The following FBXW4 variants were observed in gnomAD, a reference collection of about 807,000 sequenced individuals.
FBXW4 encodes the protein F-box/WD repeat-containing protein 4.
A neutral mutation model predicts 61.8 loss-of-function variants in FBXW4; 40 were observed. That is an observed-to-expected ratio of 0.65 (90% CI 0.50 to 0.84). The LOEUF (loss-of-function observed/expected upper bound fraction) is 0.84, where lower values mean the gene tolerates loss of function less well. Ranked by LOEUF, FBXW4 falls within the 40% of genes least tolerant of loss-of-function variation. The probability of loss-of-function intolerance (pLI) is 0.00; values close to 1 mark genes in which losing one functional copy is unlikely to be tolerated. For missense variants in FBXW4, 672 were observed against 753.8 expected (o/e 0.89, Z 1.27); for synonymous variants, 311 against 313.8 (o/e 0.99, Z 0.10).
chr10:101,688,475 A>C (rs6584442), intron 1 of FBXW4, among the ~76,000 whole-genome samples: 151,844 of 152,340 alleles, frequency 1, 75,676 homozygotes, highest in East Asian at 1. Context: ...AAATGAAGAA[A>C]TGACTCAAAA....
intron 5 of FBXW4, among the ~76,000 whole-genome samples, chr10:101,666,372 G>A (rs572784443): frequency 8.2e-4 from 125 of 152,242 alleles, no homozygotes; most frequent in African/African-American, 3.0e-3. Flanking sequence ...TATATCAGCC[G>A]TCAAATTGAA....
intron 1 of FBXW4, among the ~76,000 whole-genome samples, chr10:101,679,558 T>C (rs1344634982): frequency 2.0e-5 from 3 of 152,196 alleles, no homozygotes; most frequent in South Asian, 2.1e-4. Context: ...TGGGTTTGTA[T>C]AGCAAGTTGA....
At chr10:101,678,059 A>G (rs2064433933) in intron 1 of FBXW4, among the ~76,000 whole-genome samples, 1 of 152,200 alleles carries the variant, frequency 6.6e-6, no homozygotes, top group African/African-American at 2.4e-5. Flanking sequence ...GGTACAATTC[A>G]TTCAACTTTT....
intron 5 of FBXW4, among the ~76,000 whole-genome samples, chr10:101,637,699 CAAAAAAA>C (rs34463792): frequency 7.3e-5 from 6 of 82,052 alleles, no homozygotes; most frequent in Non-Finnish European, 8.8e-5. Flanking sequence ...GATCCTGTCT[CAAAAAAA>C]AAAAAAAAAA....
Position 101,694,458 on chromosome 10 carries a change from G to A in FBXW4, c.648C>T (p.Phe216=). 1 of 1,534,842 alleles carries A rather than the reference G, an allele frequency of 6.5e-7. No homozygotes were observed. The highest frequency in any genetic ancestry group is 8.7e-7 in the Non-Finnish European group (1 of 1,152,556). The change falls in exon 1 of 9, where the codon TTC becomes TTT. Residue 216 remains phenylalanine (F), a synonymous_variant. Coordinates refer to ENST00000331272, the MANE Select transcript of FBXW4 (RefSeq NM_022039.4). This position sits in a 1 kb window ranked among gnomAD's most constrained non-coding sequence, Gnocchi z 6.0. ...GGCGCCAGAGCAGATCGCAGCTGGT[G>A]AAGCGCCGCAGCCAGCGGCACACCT... ...LAQVCRWLRR[F]TSCDLLWRRI... is the part of the protein sequence containing the mutation.
At chr10:101,664,530 G>A (rs2064279005) in intron 5 of FBXW4, among the ~76,000 whole-genome samples, 1 of 152,306 alleles carries the variant, frequency 6.6e-6, no homozygotes, top group South Asian at 2.1e-4. Context: ...CAACAGGAAT[G>A]GTGGCAGGGA....
At chr10:101,641,891 G>C (rs1006680595) in intron 5 of FBXW4, among the ~76,000 whole-genome samples, 2 of 151,528 alleles carry the variant, frequency 1.3e-5, no homozygotes, top group Admixed American at 1.3e-4. Context: ...CCAGGCACAG[G>C]CACAGTGGTT....
At chr10:101,684,331 T>A (rs916776568) in intron 1 of FBXW4, among the ~76,000 whole-genome samples, 20 of 152,248 alleles carry the variant, frequency 1.3e-4, no homozygotes, top group Non-Finnish European at 2.6e-4. Flanking sequence ...TTTCACCATG[T>A]TAGCCAGGAT....
At chr10:101,655,746 G>A (rs1489817640) in intron 5 of FBXW4, among the ~76,000 whole-genome samples, 2 of 152,194 alleles carry the variant, frequency 1.3e-5, no homozygotes, top group Non-Finnish European at 2.9e-5. Flanking sequence ...AGTGAGTCTC[G>A]TGCTCTGGAC....
At chr10:101,680,810 T>C (rs1278362809) in intron 1 of FBXW4, among the ~76,000 whole-genome samples, 2 of 152,266 alleles carry the variant, frequency 1.3e-5, no homozygotes, top group African/African-American at 4.8e-5. Context: ...ATTTCTACTT[T>C]GAGCACTGTA....
intron 6 of FBXW4, among the ~76,000 whole-genome samples, chr10:101,617,588 C>A (rs551211085): frequency 1.3e-5 from 2 of 152,286 alleles, no homozygotes; most frequent in African/African-American, 4.8e-5. Flanking sequence ...GTGCACACAC[C>A]CCCAGCACCC....
chr10:101,642,613 C>T (rs928531237), intron 5 of FBXW4, among the ~76,000 whole-genome samples: 2 of 152,128 alleles, frequency 1.3e-5, no homozygotes, highest in African/African-American at 4.8e-5. Context: ...TGTCAACAGC[C>T]CACACACCTC....
At chr10:101,690,731 C>T (rs1257022482) in intron 1 of FBXW4, among the ~76,000 whole-genome samples, 2 of 152,202 alleles carry the variant, frequency 1.3e-5, no homozygotes, top group African/African-American at 4.8e-5. Flanking sequence ...TTCTGAGAAT[C>T]AAGAGGCTCT....
At chr10:101,613,906 C>T (rs1218129132) in intron 6 of FBXW4, among the ~76,000 whole-genome samples, 4 of 152,328 alleles carry the variant, frequency 2.6e-5, no homozygotes, top group South Asian at 2.1e-4. Flanking sequence ...GCTGGGCCTG[C>T]GGGGAGAAGA....
At chr10:101,683,185 T>C (rs1000596373) in intron 1 of FBXW4, among the ~76,000 whole-genome samples, 1 of 152,220 alleles carries the variant, frequency 6.6e-6, no homozygotes, top group African/African-American at 2.4e-5. Flanking sequence ...CTTGCTCCCA[T>C]CCTTGAAGAG....
intron 1 of FBXW4, among the ~76,000 whole-genome samples, chr10:101,682,817 A>C (rs545021539): frequency 3.9e-5 from 6 of 152,150 alleles, no homozygotes; most frequent in African/African-American, 1.4e-4. Flanking sequence ...ACTTGGCTGT[A>C]GTCCTTCAAA....
chr10:101,636,631 A>C (rs900130966), intron 5 of FBXW4, among the ~76,000 whole-genome samples: 8 of 150,184 alleles, frequency 5.3e-5, no homozygotes, highest in East Asian at 2.0e-4. Context: ...CTTGTTGCCC[A>C]GGCTGGAGTG....
intron 5 of FBXW4, among the ~76,000 whole-genome samples, chr10:101,655,205 C>A (rs1017778823): frequency 1.2e-4 from 18 of 152,134 alleles, no homozygotes; most frequent in African/African-American, 4.3e-4. Context: ...ACAATGAATT[C>A]CTAGAAGTGG....
In FBXW4 at chr10:101,611,699, G is replaced by A. The variant is rs373437570; in HGVS notation, c.1513C>T (p.Leu505=). The stretch of plus-strand genomic sequence containing the variant: ...TAGTAGGAGGAACCTGTGGCCAGCA[G>A]GTGGTTGCCATCTGTCTGCAGGCAG... ...LYCLQTDGNH[L]LATGSSYYGV... The change falls in exon 8 of 9, where the codon CTG becomes TTG. Residue 505 remains leucine, a synonymous_variant. Coordinates refer to ENST00000331272, the MANE Select transcript of FBXW4 (RefSeq NM_022039.4). This position sits in a 1 kb window ranked among gnomAD's most constrained non-coding sequence, Gnocchi z 4.9. 6.2e-7 allele frequency: 1 copy of A among 1,614,224 alleles called. No individual in the cohort carries two copies. The highest frequency in any genetic ancestry group is 8.5e-7 in the Non-Finnish European group (1 of 1,180,040).
Sources: allele counts gnomAD v4.1 joint callset (sites outside exome capture counted in the v4.1 genomes callset), GRCh38; gene constraint gnomAD v4.1.1; non-coding constraint Gnocchi (gnomAD v3.1); transcripts MANE v1.5; gene names NCBI Gene and HGNC (gene_info 2026-07-23, HGNC 2026-07-21).